The following FBXL13 variants were observed in gnomAD, a reference collection of about 807,000 sequenced individuals.
The protein encoded by FBXL13 is F-box and leucine rich repeat protein 13.
FBXL13 carries 67 observed loss-of-function variants against 83.6 expected under a neutral mutation model. That is an observed-to-expected ratio of 0.80 (90% confidence interval 0.66 to 0.98). The LOEUF (loss-of-function observed/expected upper bound fraction) is 0.98, where lower values mean the gene tolerates loss of function less well. FBXL13 is among the 50% of genes least tolerant of loss of function. FBXL13 has a pLI of 0.00. For missense variants in FBXL13, 822 were observed against 866.5 expected (o/e 0.95, Z 0.64); for synonymous variants, 272 against 299.5 (o/e 0.91, Z 0.95).
intron 11 of FBXL13, among the ~76,000 whole-genome samples, chr7:102,907,670 A>G (rs1196741778): frequency 1.3e-5 from 2 of 152,194 alleles, no homozygotes; most frequent in Non-Finnish European, 2.9e-5. Flanking sequence ...TTATGGCTGC[A>G]TAGTATTCCA....
chr7:102,943,271 A>C (rs988000996), intron 8 of FBXL13, among the ~76,000 whole-genome samples: 1 of 152,008 alleles, frequency 6.6e-6, no homozygotes, highest in Non-Finnish European at 1.5e-5. Context: ...CACTTGTCTT[A>C]CATGCGAAAT....
At chr7:102,963,926 C>G (rs112054025) in intron 7 of FBXL13, among the ~76,000 whole-genome samples, 70 of 152,210 alleles carry the variant, frequency 4.6e-4, no homozygotes, top group African/African-American at 1.6e-3. Flanking sequence ...AGGCGAAGAA[C>G]ATGAACAGAT....
intron 16 of FBXL13, among the ~76,000 whole-genome samples, chr7:102,859,869 G>T (rs1434991947): frequency 6.6e-6 from 1 of 152,204 alleles, no homozygotes; most frequent in Non-Finnish European, 1.5e-5. Flanking sequence ...AAAGCAGCTG[G>T]AGTGGTGGCC....
chr7:103,016,761 G>A lies in FBXL13; in HGVS notation c.495+8302C>T, dbSNP rs145039323. 4.0e-3 allele frequency among the ~76,000 whole-genome samples: 614 copies of A among 152,284 alleles called. 2 individuals are homozygous for A. Among genetic ancestry groups the A allele is most frequent in the African/African-American group, 0.014 (570 of 41,552 alleles). ...GCAGTCTGAGATCAAACTGCAAGGC[G>A]GCAGTGAGACTGGGGGAGGGGCGCC... On this transcript the variant is annotated intron_variant, in intron 6 of 19. Transcript: ENST00000313221.
intron 6 of FBXL13, among the ~76,000 whole-genome samples, chr7:103,013,495 C>A (rs894867791): frequency 6.6e-6 from 1 of 152,026 alleles, no homozygotes; most frequent in African/African-American, 2.4e-5. Context: ...CAAAAGCATA[C>A]AATTACATGG....
chr7:103,019,523 A>G (rs1250928336), intron 6 of FBXL13, among the ~76,000 whole-genome samples: 1 of 152,234 alleles, frequency 6.6e-6, no homozygotes, highest in Non-Finnish European at 1.5e-5. Context: ...CAAAAAATCA[A>G]TGAATCCAGG....
At chr7:103,022,480 A>C (rs945929474) in intron 6 of FBXL13, among the ~76,000 whole-genome samples, 1 of 152,192 alleles carries the variant, frequency 6.6e-6, no homozygotes, top group Non-Finnish European at 1.5e-5. Context: ...AAAGTATAAA[A>C]AAAAAAACCA....
At chr7:103,072,579 C>T (rs2129508245) in intron 1 of FBXL13, among the ~76,000 whole-genome samples, 1 of 152,244 alleles carries the variant, frequency 6.6e-6, no homozygotes, top group Non-Finnish European at 1.5e-5. Context: ...CTTGATGTAC[C>T]CTGACTCTCA....
At chr7:102,985,837 T>C (rs1344567954) in intron 6 of FBXL13, among the ~76,000 whole-genome samples, 1 of 152,196 alleles carries the variant, frequency 6.6e-6, no homozygotes, top group African/African-American at 2.4e-5. Flanking sequence ...CAATCTCAAA[T>C]GCTAATTTCA....
rs146512552 is a variant in FBXL13, at chr7:103,022,483, A to G, written c.495+2580T>C. ...ACCCTAGAACTTAAAGTATAAAAAAAAAAACCAGAAATATAGACTAATGGA... is the reference window on the plus strand; with the variant it reads ...ACCCTAGAACTTAAAGTATAAAAAAGAAAACCAGAAATATAGACTAATGGA... On this transcript the variant is annotated intron_variant, in intron 6 of 19. Coordinates refer to ENST00000313221, the Ensembl canonical transcript of FBXL13. Among the ~76,000 whole-genome samples, 139 of 152,336 alleles carry G rather than the reference A, an allele frequency of 9.1e-4. 1 individual carries two copies. The highest frequency in any genetic ancestry group is 3.3e-3 in the African/African-American group (137 of 41,572).
chr7:102,834,086 AAAAGAAAG>A (rs751744146), intron 17 of FBXL13, among the ~76,000 whole-genome samples: 2,406 of 93,386 alleles, frequency 0.026, 67 homozygotes, highest in Non-Finnish European at 0.034. Context: ...GGAAGGAAAG[AAAAGAAAG>A]AAAGAAAGAA....
chr7:102,984,951 CT>C (rs1294258413), intron 6 of FBXL13, among the ~76,000 whole-genome samples: 1 of 152,146 alleles, frequency 6.6e-6, no homozygotes, highest in Admixed American at 6.5e-5. Flanking sequence ...AAAATAACAA[CT>C]TTATCTTAAA....
chr7:102,822,467 G>A, intron 18 of FBXL13: 1 of 587,188 alleles, frequency 1.7e-6, no homozygotes, highest in Non-Finnish European at 3.2e-6. Flanking sequence ...GAGAGAGAGA[G>A]CTCTAGTCTT....
At chr7:103,057,946 C>T (rs1439841953) in intron 1 of FBXL13, among the ~76,000 whole-genome samples, 1 of 152,098 alleles carries the variant, frequency 6.6e-6, no homozygotes, top group African/African-American at 2.4e-5. Context: ...CTGGCTTCTT[C>T]TCTTGATCCT....
intron 1 of FBXL13, among the ~76,000 whole-genome samples, chr7:103,069,802 G>GC (rs1213204460): frequency 3.3e-5 from 5 of 152,196 alleles, no homozygotes; most frequent in African/African-American, 1.2e-4. Context: ...GTATGGGCTG[G>GC]GCGCGGTGGC....
exon 8 of FBXL13, chr7:102,963,662 C>A: frequency 6.3e-7 from 1 of 1,593,356 alleles, no homozygotes; most frequent in Non-Finnish European, 8.5e-7. Context: ...GAGGAAAAAT[C>A]AATCTAAAAA....
At chr7:102,948,957 G>A (rs551552936) in intron 8 of FBXL13, among the ~76,000 whole-genome samples, 101 of 151,298 alleles carry the variant, frequency 6.7e-4, no homozygotes, top group Non-Finnish European at 1.1e-3. Flanking sequence ...AGTGATCCGC[G>A]TGCCTTGGCC....
At chr7:102,872,321 A>G (rs1029023971) in intron 16 of FBXL13, among the ~76,000 whole-genome samples, 1 of 152,124 alleles carries the variant, frequency 6.6e-6, no homozygotes, top group Non-Finnish European at 1.5e-5. Flanking sequence ...CCTTCATTCA[A>G]TGAGCAATTA....
chr7:102,995,047 T>C (rs561158153), intron 6 of FBXL13, among the ~76,000 whole-genome samples: 12 of 152,262 alleles, frequency 7.9e-5, no homozygotes, highest in African/African-American at 2.6e-4. Context: ...GGTAAAAGCT[T>C]AGCACAAACA....
Sources: allele counts gnomAD v4.1 joint callset (sites outside exome capture counted in the v4.1 genomes callset), GRCh38; gene constraint gnomAD v4.1.1; transcripts MANE v1.5; gene names NCBI Gene and HGNC (gene_info 2026-07-23, HGNC 2026-07-21).